FIGN: variants seen among roughly 807,000 people sequenced by gnomAD.
FIGN encodes the protein fidgetin.
In FIGN, 11 loss-of-function variants were observed where a neutral mutation model predicts 51.3. The observed-to-expected ratio is 0.21, with a 90% confidence interval of 0.13 to 0.35. FIGN has a LOEUF of 0.35. Ranked by LOEUF, FIGN falls within the 10% of genes least tolerant of loss-of-function variation. FIGN has a pLI of 1.00. For missense variants in FIGN, 857 were observed against 943.6 expected (o/e 0.91, Z 1.20); for synonymous variants, 407 against 363.2 (o/e 1.12, Z -1.37).
At chr2:163,659,329 G>T (rs2105326075) in intron 2 of FIGN, among the ~76,000 whole-genome samples, 1 of 152,264 alleles carries the variant, frequency 6.6e-6, no homozygotes, top group South Asian at 2.1e-4. Context: ...TAATAATTGA[G>T]ATGAGCTAAT....
At chr2:163,707,152 C>T (rs912032983) in intron 2 of FIGN, among the ~76,000 whole-genome samples, 2 of 152,012 alleles carry the variant, frequency 1.3e-5, no homozygotes, top group South Asian at 2.1e-4. Context: ...AACAACACTC[C>T]TCTGGCCAAC....
intron 2 of FIGN, among the ~76,000 whole-genome samples, chr2:163,618,972 G>A (rs1336886337): frequency 7.9e-5 from 12 of 151,988 alleles, no homozygotes; most frequent in African/African-American, 2.4e-4. Flanking sequence ...AACACAACAC[G>A]TGGGAAATAA....
intron 2 of FIGN, among the ~76,000 whole-genome samples, chr2:163,710,977 AT>A (rs1684578996): frequency 6.6e-6 from 1 of 152,170 alleles, no homozygotes; most frequent in South Asian, 2.1e-4. Flanking sequence ...TAAACTTTTT[AT>A]TACTTCACTA....
rs143366082 is a variant in FIGN at position 163,657,104 on chromosome 2, C to A, written c.26-45298G>T. ...GAAGAATGTGACGTTACTGTAGACT[C>A]TCCTCCAAGAGAAAAAAAAAAAAAA... is the stretch of plus-strand genomic sequence containing the variant. On this transcript the variant is annotated intron_variant, in intron 2 of 2. Coordinates refer to ENST00000333129, the MANE Select transcript of FIGN (RefSeq NM_018086.4). 1.7e-3 allele frequency among the ~76,000 whole-genome samples: 244 copies of A among 147,366 alleles called. 6 individuals carry two copies. The East Asian group carries it at 0.025, about 15-fold the overall frequency.
At chr2:163,696,278 T>C (rs975378402) in intron 2 of FIGN, among the ~76,000 whole-genome samples, 1 of 152,088 alleles carries the variant, frequency 6.6e-6, no homozygotes, top group Non-Finnish European at 1.5e-5. Flanking sequence ...TATAACACAA[T>C]CATATATTTC....
At chr2:163,709,426 G>C (rs999798758) in intron 2 of FIGN, among the ~76,000 whole-genome samples, 3 of 152,050 alleles carry the variant, frequency 2.0e-5, no homozygotes, top group African/African-American at 7.2e-5. Context: ...GTACAAAAGA[G>C]TTCATCTGGA....
chr2:163,689,173 A>AACACACACACACACACACAC (rs58519537), intron 2 of FIGN, among the ~76,000 whole-genome samples: 2,946 of 144,700 alleles, frequency 0.02, 34 homozygotes, highest in East Asian at 0.04. Flanking sequence ...AACAAAAATG[A>AACACACACACACACACACAC]ACACACACAC....
intron 2 of FIGN, chr2:163,617,248 A>C (rs776929682): frequency 2.7e-5 from 27 of 984,396 alleles, no homozygotes; most frequent in Non-Finnish European, 3.3e-5. Context: ...TTTTTACCTA[A>C]TTTTGTTCCA....
rs1558990368 is a variant in FIGN at position 163,603,277 on chromosome 2, A to G, written c.*6275T>C. On this transcript the variant is annotated 3_prime_UTR_variant, in exon 3 of 3. Coordinates refer to ENST00000333129, the MANE Select transcript of FIGN (RefSeq NM_018086.4). ...TTTGCAGAACAAATAAGGAAACAGT[A>G]CTAGAATAACCCAAAGAAACATGTA... The G allele has an allele frequency of 6.6e-6, 1 of 152,120 alleles. No homozygotes were observed. Among genetic ancestry groups the G allele is most frequent in the African/African-American group, 2.4e-5 (1 of 41,444 alleles). 9.4% of individuals were successfully genotyped at this position (152,120 alleles called of 1,614,324 possible). A position where few individuals can be genotyped will look rare whatever the true frequency, so the allele number is the denominator to read the frequency against.
At chr2:163,683,900 C>T (rs540183761) in intron 2 of FIGN, among the ~76,000 whole-genome samples, 4 of 152,078 alleles carry the variant, frequency 2.6e-5, no homozygotes, top group Admixed American at 2.0e-4. Flanking sequence ...TTTTTTCATA[C>T]TCTGCTTAAT....
Position 163,648,897 on chromosome 2 carries a change from A to G in FIGN, c.26-37091T>C, listed in dbSNP as rs139098548. Among the ~76,000 whole-genome samples, 34 of 152,356 alleles carry G rather than the reference A, an allele frequency of 2.2e-4. 1 individual carries two copies. In the East Asian group the frequency reaches 6.4e-3, roughly 29 times the overall value. On this transcript the variant is annotated intron_variant, in intron 2 of 2. Transcript: ENST00000333129. ...AATTTCATTTTAAAATTTATAAAAT[A>G]GTCCAGTTTATAACTAGCTTAATTA...
At chr2:163,615,719 T>A (rs1682864938) in intron 2 of FIGN, among the ~76,000 whole-genome samples, 1 of 152,176 alleles carries the variant, frequency 6.6e-6, no homozygotes. Flanking sequence ...CAATACTATT[T>A]TAACATTATT....
In FIGN at chr2:163,660,930, C is replaced by G. The variant is rs1300039045; in HGVS notation, c.26-49124G>C. Among the ~76,000 whole-genome samples, 6 of 114,908 alleles carry G rather than the reference C, an allele frequency of 5.2e-5. No homozygotes were observed. In the South Asian group the frequency reaches 1.7e-3, roughly 33 times the overall value. The allele number at this position is 114,908 out of a possible 152,430, so 75.4% of individuals were successfully genotyped here. ...TGAGATGGAGTCTCTGTTGCCCAGG[C>G]TGGAGTCCAGTGGCATGATCTTGGC... On this transcript the variant is annotated intron_variant, in intron 2 of 2. Coordinates refer to ENST00000333129, the MANE Select transcript of FIGN (RefSeq NM_018086.4).
chr2:163,637,028 G>A (rs1383021145), intron 2 of FIGN, among the ~76,000 whole-genome samples: 2 of 151,158 alleles, frequency 1.3e-5, no homozygotes, highest in Admixed American at 1.3e-4. Context: ...GCAGTGAGCC[G>A]AGATCACACC....
At chr2:163,624,696 A>ATG (rs900603079) in intron 2 of FIGN, among the ~76,000 whole-genome samples, 1 of 133,012 alleles carries the variant, frequency 7.5e-6, no homozygotes, top group Non-Finnish European at 1.6e-5. Flanking sequence ...ACATACATAT[A>ATG]TATATATATA....
chr2:163,626,183 T>C (rs753160477), intron 2 of FIGN, among the ~76,000 whole-genome samples: 80 of 152,142 alleles, frequency 5.3e-4, no homozygotes, highest in Non-Finnish European at 1.0e-3. Flanking sequence ...AATTACAAAG[T>C]AGAGAAGAAA....
chr2:163,679,946 T>G (rs988057689), intron 2 of FIGN, among the ~76,000 whole-genome samples: 3 of 152,196 alleles, frequency 2.0e-5, no homozygotes, highest in African/African-American at 7.2e-5. Flanking sequence ...GTGAGAAATA[T>G]GAAACTCAAT....
At chr2:163,647,469 T>C (rs1683400163) in intron 2 of FIGN, among the ~76,000 whole-genome samples, 1 of 152,130 alleles carries the variant, frequency 6.6e-6, no homozygotes, top group East Asian at 1.9e-4. Flanking sequence ...ATTAGAGATA[T>C]GGACAGAAAG....
chr2:163,720,295 TTC>T (rs1175578616), intron 2 of FIGN, among the ~76,000 whole-genome samples: 2 of 152,180 alleles, frequency 1.3e-5, no homozygotes, highest in African/African-American at 4.8e-5. Flanking sequence ...GCTACATTTC[TTC>T]AAGGACATAT....
Sources: allele counts gnomAD v4.1 joint callset (sites outside exome capture counted in the v4.1 genomes callset), GRCh38; gene constraint gnomAD v4.1.1; transcripts MANE v1.5; gene names NCBI Gene and HGNC (gene_info 2026-07-23, HGNC 2026-07-21).